EXOC6B: variants seen among roughly 807,000 people sequenced by gnomAD.
EXOC6B encodes SEC15 homolog B.
EXOC6B carries 54 observed loss-of-function variants against 113.5 expected under a neutral mutation model. That is an observed-to-expected ratio of 0.48 (90% CI 0.38 to 0.60). The LOEUF is 0.60. Among genes scored for constraint, EXOC6B ranks in the 20% least tolerant of loss-of-function variants. EXOC6B has a pLI of 0.00. For synonymous variants in EXOC6B, 357 were observed against 339.0 expected, an observed-to-expected ratio of 1.05 and a Z score of -0.58; for missense variants, 797 against 977.5, an observed-to-expected ratio of 0.82 and a Z score of 2.46.
chr2:72,451,849 T>C (rs2105364462), intron 18 of EXOC6B, among the ~76,000 whole-genome samples: 1 of 152,256 alleles, frequency 6.6e-6, no homozygotes, highest in East Asian at 1.9e-4. Flanking sequence ...TTGTGTGTTA[T>C]TTGTTTGGAG....
intron 6 of EXOC6B, among the ~76,000 whole-genome samples, chr2:72,692,145 AATT>A (rs1413881476): frequency 6.6e-6 from 1 of 152,112 alleles, no homozygotes; most frequent in Admixed American, 6.5e-5. Context: ...TGAAAGTGTT[AATT>A]ATTATATGCT....
chr2:72,428,941 T>A (rs1275634730), intron 18 of EXOC6B, among the ~76,000 whole-genome samples: 3 of 152,216 alleles, frequency 2.0e-5, no homozygotes, highest in African/African-American at 4.8e-5. Context: ...AAGTTTCCAA[T>A]GATTTAAAGT....
chr2:72,659,436 T>C (rs73945609), intron 6 of EXOC6B, among the ~76,000 whole-genome samples: 17 of 152,240 alleles, frequency 1.1e-4, no homozygotes, highest in African/African-American at 4.1e-4. Flanking sequence ...AATTTTTTAT[T>C]CCAAATCCTC....
In EXOC6B at chr2:72,825,942, C is replaced by G; in HGVS notation, c.-32G>C. 1 of 1,607,658 alleles carries G rather than the reference C, an allele frequency of 6.2e-7. No individual in the cohort carries two copies. Among genetic ancestry groups the G allele is most frequent in the African/African-American group, 1.3e-5 (1 of 75,038 alleles). The stretch of plus-strand genomic sequence containing the variant: ...GGGGCGCCCCGCAGCGCGTCCCCTC[C>G]GTCGGCTCGGCTCACCTTTTCCCTG... On this transcript the variant is annotated 5_prime_UTR_variant, in exon 1 of 22. Transcript: ENST00000272427. The surrounding 1 kb of genome is among the most constrained non-coding windows in gnomAD (Gnocchi z 4.4).
chr2:72,314,085 C>G (rs1385171779), intron 20 of EXOC6B, among the ~76,000 whole-genome samples: 1 of 152,178 alleles, frequency 6.6e-6, no homozygotes, highest in African/African-American at 2.4e-5. Context: ...TCTGCCACCT[C>G]TCGGAATATA....
intron 8 of EXOC6B, among the ~76,000 whole-genome samples, chr2:72,530,908 A>G (rs1023824036): frequency 1.3e-5 from 2 of 152,056 alleles, no homozygotes; most frequent in Non-Finnish European, 2.9e-5. Context: ...CTTTTCTTTG[A>G]TCAACATTTG....
chr2:72,393,306 G>C (rs1692504203), intron 18 of EXOC6B, among the ~76,000 whole-genome samples: 1 of 151,974 alleles, frequency 6.6e-6, no homozygotes, highest in South Asian at 2.1e-4. Context: ...ATATTGGCCA[G>C]GCTGGTCTCG....
intron 18 of EXOC6B, among the ~76,000 whole-genome samples, chr2:72,442,260 T>C (rs1696248443): frequency 6.6e-6 from 1 of 151,916 alleles, no homozygotes; most frequent in South Asian, 2.1e-4. Context: ...CTCAAAATAA[T>C]AAGACCCATG....
chr2:72,323,876 C>T (rs1458580341), intron 20 of EXOC6B, among the ~76,000 whole-genome samples: 1 of 151,838 alleles, frequency 6.6e-6, no homozygotes, highest in East Asian at 1.9e-4. Context: ...GGAGAAATAC[C>T]TAATGTAGGT....
chr2:72,633,258 T>C (rs528594067), intron 6 of EXOC6B, among the ~76,000 whole-genome samples: 14 of 152,342 alleles, frequency 9.2e-5, no homozygotes, highest in African/African-American at 3.4e-4. Context: ...CTCCTACCCC[T>C]ATCCCAGGAA....
chr2:72,710,262 G>A (rs1312451205), intron 6 of EXOC6B, among the ~76,000 whole-genome samples: 1 of 152,038 alleles, frequency 6.6e-6, no homozygotes, highest in Non-Finnish European at 1.5e-5. Flanking sequence ...TTAGATTTAA[G>A]GAATAAATTA....
At chr2:72,708,896 A>ATTTTTTTTTTTTT (rs1159794341) in intron 6 of EXOC6B, among the ~76,000 whole-genome samples, 1 of 69,790 alleles carries the variant, frequency 1.4e-5, no homozygotes, top group Non-Finnish European at 2.5e-5. Flanking sequence ...CATCCAGCTA[A>ATTTTTTTTTTTTT]TTTTTTTTTT....
intron 5 of EXOC6B, among the ~76,000 whole-genome samples, chr2:72,723,014 T>C (rs1405335016): frequency 6.6e-6 from 1 of 152,162 alleles, no homozygotes; most frequent in East Asian, 1.9e-4. Flanking sequence ...ATAGTCACAT[T>C]TTAACTATAA....
At chr2:72,820,917 C>A (rs1289711836) in intron 1 of EXOC6B, among the ~76,000 whole-genome samples, 1 of 151,860 alleles carries the variant, frequency 6.6e-6, no homozygotes, top group Non-Finnish European at 1.5e-5. Context: ...TCTTCATGAT[C>A]ATGCATTACG....
At chr2:72,550,926 T>TA (rs1703184329) in intron 8 of EXOC6B, among the ~76,000 whole-genome samples, 1 of 150,624 alleles carries the variant, frequency 6.6e-6, no homozygotes, top group South Asian at 2.1e-4. Context: ...TTTATTTTTT[T>TA]TTTTTTTTTT....
chr2:72,459,188 A>G (rs1319309523), intron 18 of EXOC6B, among the ~76,000 whole-genome samples: 3 of 152,024 alleles, frequency 2.0e-5, no homozygotes, highest in South Asian at 2.1e-4. Context: ...TAAATTAGGT[A>G]TTGATGGGAC....
chr2:72,596,582 A>C (rs113737325), intron 6 of EXOC6B, among the ~76,000 whole-genome samples: 6 of 152,222 alleles, frequency 3.9e-5, no homozygotes, highest in African/African-American at 1.4e-4. Flanking sequence ...AAAAACATAA[A>C]GGAAGAAAAA....
At chr2:72,407,843 T>C (rs1219886825) in intron 18 of EXOC6B, among the ~76,000 whole-genome samples, 3 of 152,266 alleles carry the variant, frequency 2.0e-5, no homozygotes, top group East Asian at 1.9e-4. Context: ...CTGTTCAACA[T>C]AGTGTTGGAA....
At chr2:72,258,724 G>A (rs1683513671) in intron 20 of EXOC6B, among the ~76,000 whole-genome samples, 1 of 151,844 alleles carries the variant, frequency 6.6e-6, no homozygotes, top group Non-Finnish European at 1.5e-5. Context: ...AATAATAAAA[G>A]GTTTTAGAAG....
Sources: allele counts gnomAD v4.1 joint callset (sites outside exome capture counted in the v4.1 genomes callset), GRCh38; gene constraint gnomAD v4.1.1; non-coding constraint Gnocchi (gnomAD v3.1); transcripts MANE v1.5; gene names NCBI Gene and HGNC (gene_info 2026-07-23, HGNC 2026-07-21).